The following GALNTL6 variants were observed in gnomAD, a reference collection of about 807,000 sequenced individuals.
GALNTL6 encodes the protein polypeptide N-acetylgalactosaminyltransferase like 6, also known as polypeptide N-acetylgalactosaminyltransferase-like 6.
In GALNTL6, 46 loss-of-function variants were observed where a neutral mutation model predicts 73.7. The ratio of observed to expected loss-of-function variants is 0.62; its 90% CI spans 0.49 to 0.80. GALNTL6 has a LOEUF of 0.80. GALNTL6 is among the 30% of genes least tolerant of loss of function. The pLI, the probability that GALNTL6 is intolerant of heterozygous loss-of-function variation, is 0.00. For missense variants in GALNTL6, 604 were observed against 755.0 expected (o/e 0.80, Z 2.34); for synonymous variants, 259 against 263.7 (o/e 0.98, Z 0.17).
chr4:173,012,457 G>T (rs1012107707), intron 11 of GALNTL6, among the ~76,000 whole-genome samples: 2 of 152,182 alleles, frequency 1.3e-5, no homozygotes, highest in Non-Finnish European at 2.9e-5. Context: ...CATCAACAGT[G>T]CCTCTCCCCT....
chr4:172,814,515 C>T lies in GALNTL6; in HGVS notation c.923+792C>T, dbSNP rs548405309. ...TACTATATATCTATTCCTTATACTG[C>T]ACCCTTTGATATCATTAAAATTGTT... On this transcript the variant is annotated intron_variant, in intron 7 of 12. Coordinates refer to ENST00000506823, the MANE Select transcript of GALNTL6 (RefSeq NM_001034845.3). 2.6e-5 allele frequency among the ~76,000 whole-genome samples: 4 copies of T among 152,244 alleles called. No homozygotes were observed. In the South Asian group the frequency reaches 8.3e-4, roughly 32 times the overall value.
intron 2 of GALNTL6, among the ~76,000 whole-genome samples, chr4:172,119,548 A>G (rs1348658906): frequency 1.3e-5 from 2 of 152,188 alleles, no homozygotes; most frequent in Non-Finnish European, 2.9e-5. Context: ...AAAATCACAG[A>G]ATCATCCATT....
intron 5 of GALNTL6, among the ~76,000 whole-genome samples, chr4:172,657,006 A>G (rs981785117): frequency 6.6e-6 from 1 of 152,166 alleles, no homozygotes; most frequent in Non-Finnish European, 1.5e-5. Flanking sequence ...GCAAAATTGC[A>G]ATAACCTCCT....
chr4:172,695,341 T>C (rs1733618214), intron 5 of GALNTL6, among the ~76,000 whole-genome samples: 1 of 152,266 alleles, frequency 6.6e-6, no homozygotes, highest in African/African-American at 2.4e-5. Flanking sequence ...ATTCATTCTT[T>C]TGTGTAACTG....
chr4:172,665,630 A>C (rs765010738), intron 5 of GALNTL6, among the ~76,000 whole-genome samples: 47 of 152,232 alleles, frequency 3.1e-4, no homozygotes, highest in African/African-American at 1.1e-3. Flanking sequence ...TTCCTCTAAC[A>C]TTACCTTTCA....
chr4:172,753,624 A>C (rs1579437888), intron 5 of GALNTL6, among the ~76,000 whole-genome samples: 1 of 152,228 alleles, frequency 6.6e-6, no homozygotes, highest in East Asian at 1.9e-4. Flanking sequence ...AACAGAAAAA[A>C]AAATGTGCTG....
intron 2 of GALNTL6, among the ~76,000 whole-genome samples, chr4:172,054,355 C>T (rs994868835): frequency 4.6e-5 from 7 of 152,178 alleles, no homozygotes; most frequent in East Asian, 3.9e-4. Flanking sequence ...ACTTTATTTA[C>T]ATGAATTAAA....
intron 5 of GALNTL6, among the ~76,000 whole-genome samples, chr4:172,718,587 A>G (rs1168227112): frequency 6.6e-6 from 1 of 152,142 alleles, no homozygotes; most frequent in Non-Finnish European, 1.5e-5. Context: ...ACAATAAGCC[A>G]TGATCATGCC....
At chr4:172,977,760 G>A (rs1325210766) in intron 10 of GALNTL6, among the ~76,000 whole-genome samples, 1 of 152,152 alleles carries the variant, frequency 6.6e-6, no homozygotes, top group Non-Finnish European at 1.5e-5. Flanking sequence ...GTGGTCCTCT[G>A]GGTGCACATG....
chr4:171,866,858 C>A lies in GALNTL6; in HGVS notation c.138+52140C>A, dbSNP rs564258030. On this transcript the variant is annotated intron_variant, in intron 2 of 12. Coordinates refer to ENST00000506823, the MANE Select transcript of GALNTL6 (RefSeq NM_001034845.3). ...ATTCTTATGGCCTAATTAACTCCCA[C>A]AAGCCCCATCTCCAAATACCATCAC... is the stretch of plus-strand genomic sequence containing the variant. Among the ~76,000 whole-genome samples the A allele has an allele frequency of 2.0e-5, 3 of 152,290 alleles. No individual in the cohort carries two copies. The South Asian group carries it at 6.2e-4, about 32-fold the overall frequency.
At chr4:172,947,840 G>A (rs950780026) in intron 9 of GALNTL6, among the ~76,000 whole-genome samples, 6 of 152,180 alleles carry the variant, frequency 3.9e-5, no homozygotes, top group South Asian at 2.1e-4. Context: ...ATACCCTGAC[G>A]AACTCCAATG....
chr4:172,898,784 C>A (rs986636004), intron 8 of GALNTL6, among the ~76,000 whole-genome samples: 5 of 152,180 alleles, frequency 3.3e-5, no homozygotes, highest in African/African-American at 7.2e-5. Flanking sequence ...ATCTTATGCC[C>A]AATTTCTGCC....
chr4:172,788,819 G>T lies in GALNTL6; in HGVS notation c.554-20542G>T, dbSNP rs189535283. ...TGGTGTTCAGGGCACAGATAGGCTGGTCTTGTAAGGCAGAACAATACCTCC... is the reference window on the plus strand; with the variant it reads ...TGGTGTTCAGGGCACAGATAGGCTGTTCTTGTAAGGCAGAACAATACCTCC... On this transcript the variant is annotated intron_variant, in intron 5 of 12. Coordinates refer to ENST00000506823, the MANE Select transcript of GALNTL6 (RefSeq NM_001034845.3). Among the ~76,000 whole-genome samples, 463 of 152,242 alleles carry T rather than the reference G, an allele frequency of 3.0e-3. 3 individuals carry two copies. Among genetic ancestry groups the T allele is most frequent in the African/African-American group, 0.01 (436 of 41,542 alleles).
intron 2 of GALNTL6, among the ~76,000 whole-genome samples, chr4:171,842,423 ATGCTTGG>A (rs1183848352): frequency 6.6e-6 from 1 of 152,094 alleles, no homozygotes; most frequent in East Asian, 1.9e-4. Context: ...TCCTGTCTCC[ATGCTTGG>A]TGTTTTTGCC....
At chr4:171,866,775 G>T (rs1735981511) in intron 2 of GALNTL6, among the ~76,000 whole-genome samples, 1 of 152,170 alleles carries the variant, frequency 6.6e-6, no homozygotes, top group South Asian at 2.1e-4. Flanking sequence ...TGGAAAGAGG[G>T]TGAGAGCATT....
chr4:172,898,881 A>G lies in GALNTL6; in HGVS notation c.1041+15974A>G, dbSNP rs150321908. Among the ~76,000 whole-genome samples the G allele has an allele frequency of 5.9e-3, 903 of 152,284 alleles. 13 individuals are homozygous for G. The highest frequency in any genetic ancestry group is 0.021 in the African/African-American group (867 of 41,566). Reference sequence around the variant, plus strand: ...CGCTGCATTCCAGGCCTGGTAGTTAAACATCAACCCCTGACCTAACCAGTT... The same window carrying G: ...CGCTGCATTCCAGGCCTGGTAGTTAGACATCAACCCCTGACCTAACCAGTT... On this transcript the variant is annotated intron_variant, in intron 8 of 12. Transcript: ENST00000506823.
At chr4:172,317,056 A>T (rs967407768) in intron 4 of GALNTL6, among the ~76,000 whole-genome samples, 1 of 152,204 alleles carries the variant, frequency 6.6e-6, no homozygotes, top group African/African-American at 2.4e-5. Flanking sequence ...CTGTCCTGCC[A>T]CATGGGAACA....
chr4:172,532,281 C>T (rs1011980685), intron 5 of GALNTL6, among the ~76,000 whole-genome samples: 1 of 152,150 alleles, frequency 6.6e-6, no homozygotes, highest in African/African-American at 2.4e-5. Flanking sequence ...GAGAGACAGA[C>T]ACACAGGACA....
intron 2 of GALNTL6, among the ~76,000 whole-genome samples, chr4:171,922,091 TG>T (rs1302741318): frequency 6.6e-6 from 1 of 151,630 alleles, no homozygotes; most frequent in African/African-American, 2.4e-5. Flanking sequence ...TGTGTGTGTG[TG>T]GTGTGTGTGT....
Sources: gnomAD v4.1 joint callset for allele counts (sites outside exome capture counted in the v4.1 genomes callset) on GRCh38, gnomAD v4.1.1 for gene constraint, MANE v1.5 for transcripts, NCBI Gene and HGNC (gene_info 2026-07-23, HGNC 2026-07-21) for gene names.